Variants in RAD51 observed in about 807,000 individuals in gnomAD.
The protein encoded by RAD51 is DNA repair protein RAD51 homolog 1.
Under a neutral mutation model 41.5 loss-of-function variants are expected in RAD51, and 14 were observed. The ratio of observed to expected loss-of-function variants is 0.34; its 90% CI spans 0.22 to 0.53. The LOEUF (loss-of-function observed/expected upper bound fraction) is 0.53, where lower values mean the gene tolerates loss of function less well. Among genes scored for constraint, RAD51 ranks in the 20% least tolerant of loss-of-function variants. RAD51 has a pLI of 0.95. For synonymous variants in RAD51, 136 were observed against 148.6 expected (o/e 0.92, Z 0.62); for missense variants, 234 against 422.0 (o/e 0.55, Z 3.90).
intron 6 of RAD51, among the ~76,000 whole-genome samples, chr15:40,726,636 C>T (rs1244175974): frequency 1.3e-5 from 2 of 150,348 alleles, no homozygotes; most frequent in East Asian, 4.1e-4. Context: ...ATGCTATGGC[C>T]GGGCGCGGTG....
intron 6 of RAD51, 46 bp from the exon 7 acceptor site, chr15:40,728,665 C>A (rs980613710): frequency 1.0e-5 from 15 of 1,503,738 alleles, no homozygotes; most frequent in Non-Finnish European, 1.2e-5. Context: ...TGCTCATCTG[C>A]CTGAGTTCTG....
chr15:40,715,862 G>A (rs1190119647), intron 5 of RAD51, among the ~76,000 whole-genome samples: 3 of 152,108 alleles, frequency 2.0e-5, no homozygotes, highest in Non-Finnish European at 2.9e-5. Context: ...TATTTCCTGG[G>A]GACTTAGTCC....
intron 6 of RAD51, among the ~76,000 whole-genome samples, chr15:40,720,331 C>G (rs1896207670): frequency 1.3e-5 from 2 of 152,002 alleles, no homozygotes; most frequent in African/African-American, 2.4e-5. Flanking sequence ...ATCTGCCTGC[C>G]TTGGCCTCCC....
chr15:40,716,657 C>CTTTTTTTTT (rs34860677), intron 5 of RAD51, among the ~76,000 whole-genome samples: 3 of 88,168 alleles, frequency 3.4e-5, no homozygotes, highest in African/African-American at 1.3e-4. Context: ...CTCTCTACTT[C>CTTTTTTTTT]TTTTTTTTTT....
In RAD51 at chr15:40,731,305, C is replaced by A; in HGVS notation, c.*127C>A. On this transcript the variant is annotated 3_prime_UTR_variant, in exon 10 of 10. Transcript: ENST00000267868. Reference sequence around the variant, plus strand: ...CAGGATAAAGCTTCCGGGAAAACAGCTATTATATCAGCTTTTCTGATGGTA... The same window carrying A: ...CAGGATAAAGCTTCCGGGAAAACAGATATTATATCAGCTTTTCTGATGGTA... 1 of 1,280,298 alleles carries A rather than the reference C, an allele frequency of 7.8e-7. No individual in the cohort carries two copies. Among genetic ancestry groups the A allele is most frequent in the Non-Finnish European group, 1.1e-6 (1 of 898,156 alleles). The allele number at this position is 1,280,298 out of a possible 1,614,324, so 79.3% of individuals were successfully genotyped here.
intron 4 of RAD51, among the ~76,000 whole-genome samples, chr15:40,707,782 A>G (rs977709246): frequency 6.6e-6 from 1 of 152,046 alleles, no homozygotes; most frequent in Non-Finnish European, 1.5e-5. Context: ...CAGTGGCACA[A>G]TCTCGGCTCA....
chr15:40,698,196 GTT>G (rs554059347), intron 1 of RAD51, among the ~76,000 whole-genome samples: 1 of 128,390 alleles, frequency 7.8e-6, no homozygotes. Context: ...TTTTTTTTTT[GTT>G]TTTTTTTTTG....
intron 5 of RAD51, among the ~76,000 whole-genome samples, chr15:40,709,519 G>A (rs184897096): frequency 5.3e-5 from 8 of 151,416 alleles, no homozygotes; most frequent in South Asian, 2.1e-4. Context: ...GATTACAGGC[G>A]CCCACCAGCA....
At chr15:40,698,194 T>TG (rs1456747224) in intron 1 of RAD51, among the ~76,000 whole-genome samples, 3 of 151,318 alleles carry the variant, frequency 2.0e-5, no homozygotes. Flanking sequence ...TTTTTTTTTT[T>TG]TGTTTTTTTT....
chr15:40,719,678 A>C (rs1351894286), intron 6 of RAD51, among the ~76,000 whole-genome samples: 1 of 152,094 alleles, frequency 6.6e-6, no homozygotes, highest in Non-Finnish European at 1.5e-5. Context: ...TAAAAATACA[A>C]AAAGTTAGCC....
At chr15:40,723,586 G>A (rs913078868) in intron 6 of RAD51, among the ~76,000 whole-genome samples, 2 of 152,152 alleles carry the variant, frequency 1.3e-5, no homozygotes, top group Admixed American at 6.6e-5. Flanking sequence ...ACCACACAAT[G>A]TATGATTCCA....
At chr15:40,699,073 A>G (rs1399151695) in intron 2 of RAD51, among the ~76,000 whole-genome samples, 2 of 152,098 alleles carry the variant, frequency 1.3e-5, no homozygotes, top group Non-Finnish European at 2.9e-5. Context: ...TATCATTTTT[A>G]TTTCTGAGAG....
At position 40,706,313 on chromosome 15, in the gene RAD51, C is replaced by T. The variant is rs1173680243; in HGVS notation, c.343+19C>T. The T allele has an allele frequency of 1.3e-6, 2 of 1,559,118 alleles. No individual in the cohort carries two copies. Among genetic ancestry groups the T allele is most frequent in the South Asian group, 2.2e-5 (2 of 89,956 alleles). ...CTTCAAGGTGTAGTAATCCTTTATC[C>T]TGTGTTGTGAACTCTAGTTAGGAAA... On this transcript the variant is annotated intron_variant, in intron 4 of 9. Coordinates refer to ENST00000267868, the MANE Select transcript of RAD51 (RefSeq NM_002875.5).
chr15:40,722,939 A>C (rs1896356985), intron 6 of RAD51, among the ~76,000 whole-genome samples: 1 of 152,210 alleles, frequency 6.6e-6, no homozygotes, highest in African/African-American at 2.4e-5. Flanking sequence ...ATGTGAGAAA[A>C]TATTTGCAAA....
intron 3 of RAD51, among the ~76,000 whole-genome samples, chr15:40,702,836 G>GA (rs934479703): frequency 6.7e-5 from 9 of 133,592 alleles, no homozygotes; most frequent in Non-Finnish European, 9.7e-5. Flanking sequence ...TTTTTTTAAA[G>GA]AAAAAAAAGA....
At position 40,729,600 on chromosome 15, in the gene RAD51, G is replaced by A. The variant is rs1329200373; in HGVS notation, c.740G>A (p.Arg247Lys). 3.1e-6 allele frequency: 5 copies of A among 1,613,932 alleles called. No homozygotes were observed. Among genetic ancestry groups the A allele is most frequent in the Non-Finnish European group, 3.4e-6 (4 of 1,180,038 alleles). The change falls in exon 8 of 10, where the codon AGG (arginine) becomes AAG (lysine). Residue 247 changes from arginine (R) to lysine (K), a missense_variant. This residue lies in a region of RAD51 where 134 missense variants were observed against 286.5 expected (regional missense o/e 0.47). Coordinates refer to ENST00000267868, the MANE Select transcript of RAD51 (RefSeq NM_002875.5). ...TCAGCCAGGCAGATGCACTTGGCCA[G>A]GTTTCTGCGGATGCTTCTGCGACTC... ...ELSARQMHLA[R>K]FLRMLLRLAD...
intron 6 of RAD51, among the ~76,000 whole-genome samples, chr15:40,724,889 A>ATTTTTTTTTTTTTTTTTTTTT (rs34086110): frequency 1.6e-4 from 9 of 55,412 alleles, no homozygotes; most frequent in Admixed American, 2.7e-4. Context: ...ATTTTTTTTA[A>ATTTTTTTTTTTTTTTTTTTTT]TTTTTTTTTT....
Position 40,720,772 on chromosome 15 carries a change from A to G in RAD51, c.530+1873A>G, listed in dbSNP as rs144569728. Among the ~76,000 whole-genome samples the G allele has an allele frequency of 2.9e-4, 44 of 152,378 alleles. 1 individual carries two copies. The highest frequency in any genetic ancestry group is 6.8e-3 in the Middle Eastern group (2 of 294). ...AATAAAATACTTAGGAATAAATTTA[A>G]CAAAAGAAATGTAAGATTTGTACAG... On this transcript the variant is annotated intron_variant, in intron 6 of 9. Transcript: ENST00000267868.
At chr15:40,706,383 C>T in intron 4 of RAD51, 89 bp downstream of exon 4, 1 of 1,084,548 alleles carries the variant, frequency 9.2e-7, no homozygotes. Flanking sequence ...TGTAGCATTT[C>T]CTTGTTAGAT....
Sources: allele counts gnomAD v4.1 joint callset (sites outside exome capture counted in the v4.1 genomes callset), GRCh38; gene constraint gnomAD v4.1.1; regional missense constraint gnomAD v4.1.1; transcripts MANE v1.5; gene names NCBI Gene and HGNC (gene_info 2026-07-23, HGNC 2026-07-21).